The following DLGAP4 variants were observed in gnomAD, a reference collection of about 807,000 sequenced individuals.
DLGAP4 encodes the protein disks large-associated protein 4.
In DLGAP4, 18 loss-of-function variants were observed where a neutral mutation model predicts 86.9. That is an observed-to-expected ratio of 0.21 (90% CI 0.14 to 0.31). The LOEUF (loss-of-function observed/expected upper bound fraction) is 0.31. Among genes scored for constraint, DLGAP4 ranks in the 10% least tolerant of loss-of-function variants. The probability of loss-of-function intolerance (pLI) is 1.00; values close to 1 mark genes in which losing one functional copy is unlikely to be tolerated. For synonymous variants in DLGAP4, 548 were observed against 574.3 expected (o/e 0.95, Z 0.65); for missense variants, 1,085 against 1,362.6 (o/e 0.80, Z 3.21).
At chr20:36,468,250 T>A (rs537409668) in intron 7 of DLGAP4, among the ~76,000 whole-genome samples, 1 of 152,352 alleles carries the variant, frequency 6.6e-6, no homozygotes, top group East Asian at 1.9e-4. Flanking sequence ...CCACTGGGTC[T>A]GTTGGAATTC....
intron 7 of DLGAP4, among the ~76,000 whole-genome samples, chr20:36,476,317 C>T (rs1415563101): frequency 1.4e-5 from 2 of 144,782 alleles, no homozygotes; most frequent in African/African-American, 2.6e-5. Context: ...CTGGCAACCA[C>T]CTTTTTTTTT....
chr20:36,361,613 C>A (rs918160539), intron 1 of DLGAP4, among the ~76,000 whole-genome samples: 1 of 151,946 alleles, frequency 6.6e-6, no homozygotes, highest in East Asian at 1.9e-4. Context: ...GGTACTGGCC[C>A]GGACGGGGGC....
At chr20:36,410,799 G>A (rs762733917) in intron 2 of DLGAP4, among the ~76,000 whole-genome samples, 4 of 151,970 alleles carry the variant, frequency 2.6e-5, no homozygotes, top group Admixed American at 2.6e-4. Context: ...CCAACACAGG[G>A]GATCCCATTC....
chr20:36,475,889 T>C (rs367897253), intron 7 of DLGAP4, among the ~76,000 whole-genome samples: 13 of 152,094 alleles, frequency 8.5e-5, no homozygotes, highest in East Asian at 7.7e-4. Context: ...AGACAGAGTC[T>C]CACTCTGTCG....
At chr20:36,374,171 C>T (rs909882033) in intron 2 of DLGAP4, among the ~76,000 whole-genome samples, 3 of 152,122 alleles carry the variant, frequency 2.0e-5, no homozygotes, top group Non-Finnish European at 4.4e-5. Flanking sequence ...ACTAGGGAGA[C>T]ATCAACCCTC....
chr20:36,519,441 T>TGCGTGCGTGC (rs1224269685), intron 10 of DLGAP4, among the ~76,000 whole-genome samples: 10 of 152,332 alleles, frequency 6.6e-5, no homozygotes, highest in African/African-American at 1.9e-4. Flanking sequence ...TGCGTGCGTG[T>TGCGTGCGTGC]GCGTGCGTGC....
Position 36,308,378 on chromosome 20 carries a change from A to C in DLGAP4, c.-304+1866A>C, listed in dbSNP as rs2065024228. On this transcript the variant is annotated intron_variant, in intron 1 of 12. Coordinates refer to ENST00000339266, the MANE Select transcript of DLGAP4 (RefSeq NM_001365621.2). This position sits in a 1 kb window ranked among gnomAD's most constrained non-coding sequence, Gnocchi z 4.5. ...GCAGCCTGTGTCAGGCATTGGAGAC[A>C]GTGTCCATGCTGAAGAGAAACTGTG... 6.6e-6 allele frequency among the ~76,000 whole-genome samples: 1 copy of C among 152,192 alleles called. No individual in the cohort carries two copies. The highest frequency in any genetic ancestry group is 2.1e-4 in the South Asian group (1 of 4,824).
chr20:36,461,780 T>C, intron 7 of DLGAP4: 1 of 454,672 alleles, frequency 2.2e-6, no homozygotes, highest in Non-Finnish European at 2.8e-6. Context: ...CGCGCTTCCG[T>C]CCTGTCCAGC....
chr20:36,415,897 C>T (rs983538598), intron 2 of DLGAP4, among the ~76,000 whole-genome samples: 2 of 152,164 alleles, frequency 1.3e-5, no homozygotes, highest in African/African-American at 4.8e-5. Flanking sequence ...CAGGATCACC[C>T]TCTCATCCCC....
At chr20:36,512,395 A>G (rs1472652552) in intron 10 of DLGAP4, among the ~76,000 whole-genome samples, 1 of 152,114 alleles carries the variant, frequency 6.6e-6, no homozygotes, top group East Asian at 1.9e-4. Flanking sequence ...CTGTATGGCA[A>G]GGTGCTTCAG....
intron 7 of DLGAP4, among the ~76,000 whole-genome samples, chr20:36,466,267 C>G (rs1278596324): frequency 6.6e-6 from 1 of 152,212 alleles, no homozygotes; most frequent in African/African-American, 2.4e-5. Context: ...AGTCAGCTTT[C>G]TGTACCTCCG....
chr20:36,473,413 C>T (rs1569511870), intron 7 of DLGAP4, among the ~76,000 whole-genome samples: 2 of 152,090 alleles, frequency 1.3e-5, no homozygotes, highest in Non-Finnish European at 2.9e-5. Context: ...GGAGGGAGCT[C>T]CTTCTATCTC....
In DLGAP4 at chr20:36,308,569, G is replaced by C. The variant is rs1179162638; in HGVS notation, c.-304+2057G>C. Among the ~76,000 whole-genome samples, 1 of 152,216 alleles carries C rather than the reference G, an allele frequency of 6.6e-6. No homozygotes were observed. Among genetic ancestry groups the C allele is most frequent in the Non-Finnish European group, 1.5e-5 (1 of 68,026 alleles). The stretch of plus-strand genomic sequence containing the variant: ...ACTTGGGAACTAGGAGAGAATGTGT[G>C]CTTTGGAGCTTTCGGGAGACGCTGA... On this transcript the variant is annotated intron_variant, in intron 1 of 12. Transcript: ENST00000339266. This position sits in a 1 kb window ranked among gnomAD's most constrained non-coding sequence, Gnocchi z 4.5.
chr20:36,456,147 G>C (rs190378855), intron 7 of DLGAP4, among the ~76,000 whole-genome samples: 1 of 152,240 alleles, frequency 6.6e-6, no homozygotes, highest in East Asian at 1.9e-4. Context: ...CAACATGCAC[G>C]TGCGCACACA....
At chr20:36,461,751 G>GGGCCCCCCC in intron 7 of DLGAP4, 88 of 618,344 alleles carry the variant, frequency 1.4e-4, no homozygotes, top group Middle Eastern at 8.2e-4. Flanking sequence ...CCGTCCGTCC[G>GGGCCCCCCC]CCCGCCCGCC....
chr20:36,311,607 A>G (rs992629843), intron 1 of DLGAP4, among the ~76,000 whole-genome samples: 1 of 152,052 alleles, frequency 6.6e-6, no homozygotes, highest in African/African-American at 2.4e-5. Flanking sequence ...ATTTTAGACC[A>G]TCTCCCAGGC....
At chr20:36,419,277 C>T (rs938507623) in intron 2 of DLGAP4, among the ~76,000 whole-genome samples, 1 of 152,002 alleles carries the variant, frequency 6.6e-6, no homozygotes, top group East Asian at 1.9e-4. Flanking sequence ...TGCGTGCCAC[C>T]ATACCCAGCT....
At chr20:36,475,198 G>T (rs1370971500) in intron 7 of DLGAP4, among the ~76,000 whole-genome samples, 1 of 151,984 alleles carries the variant, frequency 6.6e-6, no homozygotes, top group Non-Finnish European at 1.5e-5. Flanking sequence ...TACTGCAAGT[G>T]AATATGTTTA....
intron 1 of DLGAP4, among the ~76,000 whole-genome samples, chr20:36,354,978 TAAAATC>T (rs1182680740): frequency 6.6e-6 from 1 of 151,966 alleles, no homozygotes; most frequent in Non-Finnish European, 1.5e-5. Flanking sequence ...ACAAAACAGA[TAAAATC>T]AAAACAAGCA....
Sources: allele counts gnomAD v4.1 joint callset (sites outside exome capture counted in the v4.1 genomes callset), GRCh38; gene constraint gnomAD v4.1.1; non-coding constraint Gnocchi (gnomAD v3.1); transcripts MANE v1.5; gene names NCBI Gene and HGNC (gene_info 2026-07-23, HGNC 2026-07-21).